The following SNAP91 variants were observed in gnomAD, a reference collection of about 807,000 sequenced individuals.
SNAP91 encodes synaptosome associated protein 91, also known as clathrin coat assembly protein AP180.
Under a neutral mutation model 100.3 loss-of-function variants are expected in SNAP91, and 27 were observed. That is an observed-to-expected ratio of 0.27 (90% CI 0.20 to 0.37). SNAP91 has a LOEUF of 0.37. Among genes scored for constraint, SNAP91 ranks in the 10% least tolerant of loss-of-function variants. The pLI is 1.00. For missense variants in SNAP91, 986 were observed against 1,123.7 expected, an observed-to-expected ratio of 0.88 and a Z score of 1.75; for synonymous variants, 404 against 398.6, an observed-to-expected ratio of 1.01 and a Z score of -0.16.
chr6:83,565,773 C>A lies in SNAP91; in HGVS notation c.2443-4826G>T, dbSNP rs144461278. Among the ~76,000 whole-genome samples, 135 of 152,174 alleles carry A rather than the reference C, an allele frequency of 8.9e-4. 1 individual carries two copies. Among genetic ancestry groups the A allele is most frequent in the African/African-American group, 2.5e-3 (104 of 41,502 alleles). On this transcript the variant is annotated intron_variant, in intron 26 of 29. Transcript: ENST00000369694. Reference sequence around the variant, plus strand: ...TGCCACAATGAAATACCACTTCATGCTCATTAGAATGATATAATAAATAAT... The same window carrying A: ...TGCCACAATGAAATACCACTTCATGATCATTAGAATGATATAATAAATAAT...
At chr6:83,620,427 C>G (rs2128390480) in intron 9 of SNAP91, among the ~76,000 whole-genome samples, 1 of 152,298 alleles carries the variant, frequency 6.6e-6, no homozygotes, top group South Asian at 2.1e-4. Flanking sequence ...TCGGACCCAT[C>G]TGCAGATTAA....
intron 12 of SNAP91, 61 bp from the exon 13 acceptor site, chr6:83,607,869 C>A: frequency 2.1e-6 from 2 of 964,916 alleles, no homozygotes; most frequent in South Asian, 4.3e-5. Context: ...CACAGGGCAG[C>A]AGGACTTTTC....
At chr6:83,695,110 A>AAAAAT (rs2129013363) in intron 2 of SNAP91, among the ~76,000 whole-genome samples, 1 of 151,854 alleles carries the variant, frequency 6.6e-6, no homozygotes, top group Non-Finnish European at 1.5e-5. Context: ...CATCTCTACT[A>AAAAAT]AAAATAAAAT....
chr6:83,650,437 G>C (rs1238655618), intron 7 of SNAP91, among the ~76,000 whole-genome samples: 1 of 151,868 alleles, frequency 6.6e-6, no homozygotes, highest in African/African-American at 2.4e-5. Context: ...AATTTTTTTT[G>C]AGATGGAGTC....
At chr6:83,608,639 A>G (rs1219077005) in intron 12 of SNAP91, among the ~76,000 whole-genome samples, 4 of 152,146 alleles carry the variant, frequency 2.6e-5, no homozygotes, top group African/African-American at 9.6e-5. Context: ...ATACTCCCCT[A>G]ACTGGGCATC....
chr6:83,675,541 A>G (rs944313212), intron 2 of SNAP91, among the ~76,000 whole-genome samples: 1 of 152,148 alleles, frequency 6.6e-6, no homozygotes, highest in Non-Finnish European at 1.5e-5. Context: ...ATATGCTACA[A>G]AAATTCTCTT....
intron 2 of SNAP91, among the ~76,000 whole-genome samples, chr6:83,667,314 GT>G (rs143523051): frequency 0.035 from 5,361 of 152,040 alleles, 139 homozygotes; most frequent in Non-Finnish European, 0.052. Flanking sequence ...TTCTGAAAAG[GT>G]TATTAAAACA....
intron 11 of SNAP91, chr6:83,611,448 CTTCAG>C (rs1396801672): frequency 2.2e-6 from 1 of 455,996 alleles, no homozygotes; most frequent in Non-Finnish European, 4.4e-6. Context: ...ATTTTACTAA[CTTCAG>C]TTAGTGAAAA....
chr6:83,555,416 G>A (rs182684929), intron 29 of SNAP91, among the ~76,000 whole-genome samples: 128 of 152,244 alleles, frequency 8.4e-4, no homozygotes, highest in Middle Eastern at 3.4e-3. Context: ...AGTTCTTTTA[G>A]CTGTGAAATG....
chr6:83,626,850 C>A (rs1324374763), intron 8 of SNAP91, among the ~76,000 whole-genome samples: 1 of 151,760 alleles, frequency 6.6e-6, no homozygotes, highest in African/African-American at 2.4e-5. Flanking sequence ...GATTCCTTTT[C>A]TTTCTCTATC....
Position 83,605,791 on chromosome 6 carries a change from T to C in SNAP91, c.1035A>G (p.Pro345=), listed in dbSNP as rs1562309593. 1.3e-6 allele frequency: 2 copies of C among 1,551,640 alleles called. No homozygotes were observed. The highest frequency in any genetic ancestry group is 1.7e-6 in the Non-Finnish European group (2 of 1,147,254). ...GCTGGAGGTCCAGGAGATCACTAGA[T>C]GGTTTAGAAGTGCTGAAAGGAAAAT... The part of the protein sequence containing the change: ...SAAVPVSTSK[P]SSDLLDLQPD... The change falls in exon 14 of 30, where the codon CCA becomes CCG. Residue 345 remains proline, a synonymous_variant. Transcript: ENST00000369694.
Position 83,593,245 on chromosome 6 carries a change from T to A in SNAP91, c.1711A>T (p.Thr571Ser), listed in dbSNP as rs761985315. 2 of 1,591,850 alleles carry A rather than the reference T, an allele frequency of 1.3e-6. No individual in the cohort carries two copies. The highest frequency in any genetic ancestry group is 2.3e-5 in the South Asian group (2 of 87,042). Reference sequence around the variant, plus strand: ...TTAGGCGCTGCAGCAACTTCAGGAGTGGACTCAAATAAATCTAAGACCAAG... The same window carrying A: ...TTAGGCGCTGCAGCAACTTCAGGAGAGGACTCAAATAAATCTAAGACCAAG... ...LDIFGDLFES[T>S]PEVAAAPKPD... The change falls in exon 19 of 30, where the codon ACT (threonine) becomes TCT (serine). Residue 571 changes from threonine (T) to serine (S), a missense_variant. Around this residue, in one of 4 missense-constraint regions of SNAP91, gnomAD observed 575 missense variants for 579.9 expected, o/e 0.99. Coordinates refer to ENST00000369694, the MANE Select transcript of SNAP91 (RefSeq NM_001242792.2).
intron 2 of SNAP91, among the ~76,000 whole-genome samples, chr6:83,667,551 T>C (rs1191732037): frequency 6.6e-6 from 1 of 152,056 alleles, no homozygotes; most frequent in African/African-American, 2.4e-5. Context: ...TGTATTAACA[T>C]GTTTATATGT....
intron 2 of SNAP91, among the ~76,000 whole-genome samples, chr6:83,694,529 C>A (rs1330206569): frequency 1.3e-5 from 2 of 152,316 alleles, no homozygotes; most frequent in African/African-American, 2.4e-5. Context: ...ATGGGTCAAC[C>A]ATGACCTGTG....
At chr6:83,699,228 T>C (rs541909357) in intron 2 of SNAP91, among the ~76,000 whole-genome samples, 5 of 152,114 alleles carry the variant, frequency 3.3e-5, no homozygotes, top group East Asian at 1.9e-4. Flanking sequence ...GCAAAAACAA[T>C]AGAAACAGAA....
chr6:83,678,917 G>A, intron 2 of SNAP91: 27 of 1,052,314 alleles, frequency 2.6e-5, no homozygotes, highest in Admixed American at 1.0e-4. Context: ...CAGGATTTAA[G>A]TAAAAAGAAA....
intron 2 of SNAP91, among the ~76,000 whole-genome samples, chr6:83,679,690 A>T (rs1471057209): frequency 6.6e-6 from 1 of 152,148 alleles, no homozygotes; most frequent in Admixed American, 6.6e-5. Context: ...GATCTTTCTG[A>T]CACCCCCAAA....
chr6:83,650,937 AATAG>A (rs928974449), intron 7 of SNAP91, among the ~76,000 whole-genome samples: 3 of 152,352 alleles, frequency 2.0e-5, no homozygotes, highest in Non-Finnish European at 4.4e-5. Flanking sequence ...AAGTATCTTT[AATAG>A]ATAGAGGCCT....
chr6:83,673,043 C>T (rs2098810384), intron 2 of SNAP91, among the ~76,000 whole-genome samples: 1 of 152,156 alleles, frequency 6.6e-6, no homozygotes, highest in South Asian at 2.1e-4. Flanking sequence ...CAAGGTCACA[C>T]TAAAATGCAG....
Sources: allele counts gnomAD v4.1 joint callset (sites outside exome capture counted in the v4.1 genomes callset), GRCh38; gene constraint gnomAD v4.1.1; regional missense constraint gnomAD v4.1.1; transcripts MANE v1.5; gene names NCBI Gene and HGNC (gene_info 2026-07-23, HGNC 2026-07-21).